The following FTO variants were observed in gnomAD, a reference collection of about 807,000 sequenced individuals.
The protein encoded by FTO is FTO alpha-ketoglutarate dependent dioxygenase, also known as alpha-ketoglutarate-dependent dioxygenase FTO.
In FTO, 47 loss-of-function variants were observed where a neutral mutation model predicts 63.9. That is an observed-to-expected ratio of 0.74 (90% confidence interval 0.58 to 0.94). The LOEUF (loss-of-function observed/expected upper bound fraction) is 0.94, where lower values mean the gene tolerates loss of function less well. FTO is among the 40% of genes least tolerant of loss of function. The pLI is 0.00. For synonymous variants in FTO, 207 were observed against 224.4 expected, an observed-to-expected ratio of 0.92 and a Z score of 0.69; for missense variants, 562 against 618.1, an observed-to-expected ratio of 0.91 and a Z score of 0.96.
intron 1 of FTO, among the ~76,000 whole-genome samples, chr16:53,795,373 C>T (rs1475305448): frequency 6.6e-6 from 1 of 152,106 alleles, no homozygotes; most frequent in Non-Finnish European, 1.5e-5. Flanking sequence ...AACTTTTGGC[C>T]TCAAGTGATC....
At chr16:54,029,590 ACATT>A (rs2084785787) in intron 8 of FTO, among the ~76,000 whole-genome samples, 1 of 152,108 alleles carries the variant, frequency 6.6e-6, no homozygotes, top group South Asian at 2.1e-4. Flanking sequence ...TTTCCTTAAA[ACATT>A]CTTTGGAAAG....
chr16:53,816,800 T>C (rs902224053), intron 2 of FTO, among the ~76,000 whole-genome samples: 1 of 152,176 alleles, frequency 6.6e-6, no homozygotes, highest in Non-Finnish European at 1.5e-5. Context: ...ATACCGTATA[T>C]TTTACTTATT....
chr16:53,754,535 G>A (rs1453872330), intron 1 of FTO, among the ~76,000 whole-genome samples: 1 of 152,200 alleles, frequency 6.6e-6, no homozygotes, highest in Non-Finnish European at 1.5e-5. Context: ...CTATTCGGGA[G>A]GCTGAGTCAG....
chr16:53,933,655 G>A (rs1233019029), intron 7 of FTO, among the ~76,000 whole-genome samples: 5 of 152,100 alleles, frequency 3.3e-5, no homozygotes, highest in South Asian at 2.1e-4. Context: ...TGAAGTGTAC[G>A]TGAAAATCAT....
At chr16:53,782,500 G>A (rs190798990) in intron 1 of FTO, among the ~76,000 whole-genome samples, 326 of 152,232 alleles carry the variant, frequency 2.1e-3, no homozygotes, top group African/African-American at 7.4e-3. Flanking sequence ...AAAGTATTTG[G>A]GTACTCTAGA....
intron 8 of FTO, among the ~76,000 whole-genome samples, chr16:53,954,218 G>A (rs1404290731): frequency 1.3e-5 from 2 of 152,160 alleles, no homozygotes; most frequent in Admixed American, 6.5e-5. Context: ...TCGAGAATGA[G>A]GAGTTAGTAA....
chr16:53,732,905 A>G (rs1270995075), intron 1 of FTO, among the ~76,000 whole-genome samples: 1 of 152,226 alleles, frequency 6.6e-6, no homozygotes, highest in African/African-American at 2.4e-5. Context: ...GAAGGAATGA[A>G]TGAGTAAGGA....
rs921080479 is a variant in FTO at position 54,030,743 on chromosome 16, A to G, written c.1365-81019A>G. Reference sequence around the variant, plus strand: ...CAGAGAGTATACTATCTGTTAGGGAAGATTAGACATTAAAAACATGAAAAG... The same window carrying G: ...CAGAGAGTATACTATCTGTTAGGGAGGATTAGACATTAAAAACATGAAAAG... On this transcript the variant is annotated intron_variant, in intron 8 of 8. Transcript: ENST00000471389. 1.1e-4 allele frequency among the ~76,000 whole-genome samples: 17 copies of G among 152,320 alleles called. No homozygotes were observed. In the South Asian group the frequency reaches 1.2e-3, roughly 11 times the overall value.
intron 1 of FTO, among the ~76,000 whole-genome samples, chr16:53,808,996 G>A (rs12149832): frequency 0.31 from 46,732 of 152,000 alleles, 8,718 homozygotes; most frequent in Non-Finnish European, 0.42. Context: ...TATATGCCAC[G>A]TACACACGAA....
chr16:53,986,740 G>A lies in FTO; in HGVS notation c.1364+52631G>A, dbSNP rs183380477. ...CCCAGAGTCTTTGTATAAACTCTAT[G>A]GATTTTCTTCCATGCGTCTAGGCTG... On this transcript the variant is annotated intron_variant, in intron 8 of 8. Coordinates refer to ENST00000471389, the MANE Select transcript of FTO (RefSeq NM_001080432.3). Among the ~76,000 whole-genome samples, 7 of 152,260 alleles carry A rather than the reference G, an allele frequency of 4.6e-5. No homozygotes were observed. The East Asian group carries it at 1.4e-3, about 29-fold the overall frequency.
intron 1 of FTO, among the ~76,000 whole-genome samples, chr16:53,736,440 G>A (rs1377772535): frequency 6.6e-6 from 1 of 151,458 alleles, no homozygotes; most frequent in Non-Finnish European, 1.5e-5. Flanking sequence ...AAATCTCGGG[G>A]TCATCCTTCC....
At chr16:53,936,950 A>G (rs1389687668) in intron 8 of FTO, among the ~76,000 whole-genome samples, 1 of 152,218 alleles carries the variant, frequency 6.6e-6, no homozygotes, top group Non-Finnish European at 1.5e-5. Context: ...GAGAATTTTT[A>G]AAGTAAAACT....
intron 8 of FTO, chr16:54,039,426 G>C (rs1024059007): frequency 5.9e-5 from 9 of 152,234 alleles, no homozygotes; most frequent in Non-Finnish European, 1.2e-4. Context: ...AGGAAACATA[G>C]GGATGGAGGT....
chr16:54,067,481 A>G (rs964724766), intron 8 of FTO, among the ~76,000 whole-genome samples: 1 of 152,230 alleles, frequency 6.6e-6, no homozygotes. Context: ...TACGCAGTGC[A>G]TATAAAATCC....
intron 8 of FTO, among the ~76,000 whole-genome samples, chr16:54,034,865 C>T (rs2084909956): frequency 6.6e-6 from 1 of 152,152 alleles, no homozygotes; most frequent in Admixed American, 6.5e-5. Flanking sequence ...GTTCTCAGCC[C>T]CCACTGACAG....
chr16:53,743,080 C>T (rs1010960688), intron 1 of FTO, among the ~76,000 whole-genome samples: 4 of 152,212 alleles, frequency 2.6e-5, no homozygotes, highest in African/African-American at 9.7e-5. Context: ...TTCCAGCTGC[C>T]TGTCTCCTTT....
At chr16:53,780,007 A>T (rs745864756) in intron 1 of FTO, among the ~76,000 whole-genome samples, 1 of 152,208 alleles carries the variant, frequency 6.6e-6, no homozygotes, top group Non-Finnish European at 1.5e-5. Flanking sequence ...TCTCCCTCTC[A>T]TAATCCACTT....
At chr16:53,804,100 T>C (rs2078294014) in intron 1 of FTO, among the ~76,000 whole-genome samples, 1 of 152,218 alleles carries the variant, frequency 6.6e-6, no homozygotes, top group Non-Finnish European at 1.5e-5. Context: ...GCTTTATGTA[T>C]TAATATCATT....
At chr16:54,021,336 GTTTAGAAGAGGCCCTTACAA>G (rs2084593871) in intron 8 of FTO, among the ~76,000 whole-genome samples, 1 of 152,160 alleles carries the variant, frequency 6.6e-6, no homozygotes, top group Non-Finnish European at 1.5e-5. Flanking sequence ...AGGGCAGCTG[GTTTAGAAGAGGCCCTTACAA>G]TTGTCTTAAC....
Sources: allele counts gnomAD v4.1 joint callset (sites outside exome capture counted in the v4.1 genomes callset), GRCh38; gene constraint gnomAD v4.1.1; transcripts MANE v1.5; gene names NCBI Gene and HGNC (gene_info 2026-07-23, HGNC 2026-07-21).